Variants in RASAL2 observed in about 807,000 individuals in gnomAD.
The protein encoded by RASAL2 is RAS protein activator like 2.
In RASAL2, 58 loss-of-function variants were observed where a neutral mutation model predicts 128.9. The ratio of observed to expected loss-of-function variants is 0.45; its 90% CI spans 0.36 to 0.56. RASAL2 has a LOEUF of 0.56. RASAL2 is among the 20% of genes least tolerant of loss of function. The pLI is 0.00. For synonymous variants in RASAL2, 561 were observed against 580.8 expected (o/e 0.97, Z 0.49); for missense variants, 1,360 against 1,601.6 (o/e 0.85, Z 2.57).
Position 178,181,315 on chromosome 1 carries a change from A to G in RASAL2, c.202+86621A>G, listed in dbSNP as rs72705026. ...TGGTACATTCATCATACTTAATGAA[A>G]CAATATTAACCATTATTATTAAATA... On this transcript the variant is annotated intron_variant, in intron 1 of 17. Coordinates refer to ENST00000367649, the MANE Select transcript of RASAL2 (RefSeq NM_170692.4). Among the ~76,000 whole-genome samples the G allele has an allele frequency of 8.8e-3, 1,341 of 152,196 alleles. 10 individuals carry two copies. The highest frequency in any genetic ancestry group is 0.02 in the Middle Eastern group (6 of 294).
intron 5 of RASAL2, among the ~76,000 whole-genome samples, chr1:178,428,686 C>A (rs1361204285): frequency 6.6e-6 from 1 of 151,948 alleles, no homozygotes; most frequent in Non-Finnish European, 1.5e-5. Flanking sequence ...AACTCCTGGG[C>A]TCAAGTAATC....
intron 1 of RASAL2, among the ~76,000 whole-genome samples, chr1:178,153,785 G>A (rs1313978124): frequency 6.6e-6 from 1 of 151,716 alleles, no homozygotes; most frequent in Admixed American, 6.6e-5. Context: ...TTTTTCTTGT[G>A]TATATAGACA....
intron 1 of RASAL2, among the ~76,000 whole-genome samples, chr1:178,235,652 G>T (rs202183773): frequency 6.6e-6 from 1 of 152,198 alleles, no homozygotes; most frequent in Non-Finnish European, 1.5e-5. Flanking sequence ...GTGCAAGTGA[G>T]GGGGGATTAA....
chr1:178,454,802 G>C (rs1445506080), intron 12 of RASAL2, among the ~76,000 whole-genome samples, 154 bp downstream of exon 12: 1 of 152,140 alleles, frequency 6.6e-6, no homozygotes, highest in Non-Finnish European at 1.5e-5. Context: ...AGTAAAATAT[G>C]AGATCGACAA....
At chr1:178,372,542 C>CT (rs769891591) in intron 3 of RASAL2, among the ~76,000 whole-genome samples, 22 of 152,152 alleles carry the variant, frequency 1.4e-4, no homozygotes, top group Admixed American at 3.3e-4. Context: ...ATTGCTTTGC[C>CT]TTAACAAAGA....
intron 3 of RASAL2, among the ~76,000 whole-genome samples, chr1:178,388,027 A>T (rs1283379475): frequency 6.6e-6 from 1 of 152,190 alleles, no homozygotes; most frequent in African/African-American, 2.4e-5. Flanking sequence ...ATTTTATCCC[A>T]GCTAATGAAA....
intron 1 of RASAL2, among the ~76,000 whole-genome samples, chr1:178,181,459 G>A (rs548435421): frequency 2.8e-4 from 42 of 151,848 alleles, no homozygotes; most frequent in Non-Finnish European, 4.6e-4. Flanking sequence ...CCAGCTTCAC[G>A]CCATTCTCCT....
At chr1:178,462,217 G>A (rs1466856918) in intron 14 of RASAL2, among the ~76,000 whole-genome samples, 1 of 152,102 alleles carries the variant, frequency 6.6e-6, no homozygotes, top group Non-Finnish European at 1.5e-5. Flanking sequence ...CTTATAAGGA[G>A]ATGGAACAAT....
chr1:178,113,368 G>C (rs1659404830), intron 1 of RASAL2, among the ~76,000 whole-genome samples: 1 of 151,636 alleles, frequency 6.6e-6, no homozygotes, highest in Admixed American at 6.6e-5. Flanking sequence ...GAGCTCAGTT[G>C]TGTGATCATT....
At chr1:178,138,778 T>G (rs966961942) in intron 1 of RASAL2, among the ~76,000 whole-genome samples, 8 of 152,078 alleles carry the variant, frequency 5.3e-5, no homozygotes, top group African/African-American at 1.9e-4. Context: ...CCGAATGGAG[T>G]TGATGATAGT....
intron 1 of RASAL2, among the ~76,000 whole-genome samples, chr1:178,236,156 T>C (rs1664225310): frequency 6.6e-6 from 1 of 152,174 alleles, no homozygotes; most frequent in Admixed American, 6.5e-5. Flanking sequence ...AGATATTAGG[T>C]GCAAAGGATC....
At chr1:178,358,324 A>G (rs2102467950) in intron 3 of RASAL2, among the ~76,000 whole-genome samples, 1 of 151,192 alleles carries the variant, frequency 6.6e-6, no homozygotes, top group Non-Finnish European at 1.5e-5. Context: ...TGGCCATTAT[A>G]TTAAAATTAT....
chr1:178,116,802 G>A (rs987481835), intron 1 of RASAL2, among the ~76,000 whole-genome samples: 2 of 151,990 alleles, frequency 1.3e-5, no homozygotes, highest in African/African-American at 4.8e-5. Flanking sequence ...AGTTGAGACG[G>A]GGTTTCACCG....
intron 1 of RASAL2, among the ~76,000 whole-genome samples, chr1:178,135,791 A>G (rs1391392265): frequency 6.6e-6 from 1 of 152,182 alleles, no homozygotes; most frequent in Non-Finnish European, 1.5e-5. Context: ...AGCAAGTCCC[A>G]TCTTACATGG....
At chr1:178,312,930 A>G (rs1668328865) in intron 3 of RASAL2, among the ~76,000 whole-genome samples, 1 of 152,214 alleles carries the variant, frequency 6.6e-6, no homozygotes, top group Non-Finnish European at 1.5e-5. Flanking sequence ...TAATCCTTGT[A>G]AACCCAAGAG....
chr1:178,404,538 G>A (rs1239361014), intron 4 of RASAL2, among the ~76,000 whole-genome samples: 1 of 151,478 alleles, frequency 6.6e-6, no homozygotes, highest in Non-Finnish European at 1.5e-5. Context: ...GTACCACCAC[G>A]CCCAGATAAT....
chr1:178,165,574 G>GAC (rs1661492665), intron 1 of RASAL2, among the ~76,000 whole-genome samples: 1 of 152,134 alleles, frequency 6.6e-6, no homozygotes, highest in Non-Finnish European at 1.5e-5. Context: ...GCTAAGGGAT[G>GAC]ACTGTACACA....
At chr1:178,191,067 G>A (rs540761028) in intron 1 of RASAL2, among the ~76,000 whole-genome samples, 1 of 152,260 alleles carries the variant, frequency 6.6e-6, no homozygotes, top group South Asian at 2.1e-4. Flanking sequence ...ACTCCACTGA[G>A]AGATACTTAG....
intron 1 of RASAL2, among the ~76,000 whole-genome samples, chr1:178,249,020 G>A (rs541178182): frequency 9.9e-5 from 15 of 152,122 alleles, no homozygotes; most frequent in Non-Finnish European, 1.5e-4. Flanking sequence ...ATGTGTCTTC[G>A]GGTTGCTCTC....
Sources: allele counts gnomAD v4.1 joint callset (sites outside exome capture counted in the v4.1 genomes callset), GRCh38; gene constraint gnomAD v4.1.1; transcripts MANE v1.5; gene names NCBI Gene and HGNC (gene_info 2026-07-23, HGNC 2026-07-21).